ATE1: variants seen among roughly 807,000 people sequenced by gnomAD.
ATE1 encodes arginyltransferase 1, also known as arginyl-tRNA--protein transferase 1.
Under a neutral mutation model 70.5 loss-of-function variants are expected in ATE1, and 36 were observed. The ratio of observed to expected loss-of-function variants is 0.51; its 90% confidence interval spans 0.39 to 0.67. The LOEUF (loss-of-function observed/expected upper bound fraction) is 0.67, where lower values mean the gene tolerates loss of function less well. ATE1 is among the 30% of genes least tolerant of loss of function. The pLI is 0.00. For synonymous variants in ATE1, 232 were observed against 219.3 expected (o/e 1.06, Z -0.51); for missense variants, 593 against 629.5 (o/e 0.94, Z 0.62).
At chr10:121,834,582 T>C (rs554631095) in intron 10 of ATE1, among the ~76,000 whole-genome samples, 1 of 152,236 alleles carries the variant, frequency 6.6e-6, no homozygotes, top group South Asian at 2.1e-4. Context: ...AGCAGGGCTC[T>C]ACCTAGGAAG....
chr10:121,780,667 A>C (rs1225445481), intron 11 of ATE1, among the ~76,000 whole-genome samples: 1 of 152,206 alleles, frequency 6.6e-6, no homozygotes, highest in Non-Finnish European at 1.5e-5. Context: ...CCTGCTCTAA[A>C]GTCCAGCTGC....
chr10:121,866,574 G>A (rs974611984), intron 8 of ATE1, among the ~76,000 whole-genome samples: 11 of 152,070 alleles, frequency 7.2e-5, no homozygotes, highest in East Asian at 1.9e-4. Context: ...GTGGCCGGGC[G>A]CAGTGGCTCA....
intron 11 of ATE1, among the ~76,000 whole-genome samples, chr10:121,766,629 G>T (rs1945289394): frequency 6.6e-6 from 1 of 151,898 alleles, no homozygotes. Context: ...GGGATTTTTG[G>T]CTCCCTCTAG....
At chr10:121,888,648 T>C (rs1394229181) in intron 7 of ATE1, among the ~76,000 whole-genome samples, 2 of 151,816 alleles carry the variant, frequency 1.3e-5, no homozygotes, top group East Asian at 2.0e-4. Context: ...CAAATAGAAA[T>C]GTGTCCGTAT....
chr10:121,823,035 A>G (rs1947860186), intron 10 of ATE1, among the ~76,000 whole-genome samples: 1 of 152,172 alleles, frequency 6.6e-6, no homozygotes, highest in South Asian at 2.1e-4. Context: ...TCATGCTTGT[A>G]ATCCCAGCAC....
chr10:121,855,619 G>A (rs1031820473), intron 8 of ATE1, among the ~76,000 whole-genome samples: 2 of 152,168 alleles, frequency 1.3e-5, no homozygotes, highest in African/African-American at 4.8e-5. Context: ...CCTACCTCCA[G>A]AGGGTATTAA....
chr10:121,928,347 C>G (rs1415849921), upstream of ATE1: 3 of 1,529,188 alleles, frequency 2.0e-6, no homozygotes, highest in Non-Finnish European at 1.8e-6. Flanking sequence ...GAACACTCAC[C>G]GCAGGACGCT....
chr10:121,823,381 T>C (rs1417863172), intron 10 of ATE1, among the ~76,000 whole-genome samples: 1 of 150,620 alleles, frequency 6.6e-6, no homozygotes, highest in Admixed American at 6.6e-5. Flanking sequence ...ATGTAGGGAG[T>C]AGAGAAGGTG....
chr10:121,841,026 G>T, intron 9 of ATE1, 56 bp downstream of exon 9: 1 of 1,290,380 alleles, frequency 7.7e-7, no homozygotes, highest in Non-Finnish European at 1.0e-6. Flanking sequence ...AATCAAATGA[G>T]TAATTATTTG....
intron 11 of ATE1, among the ~76,000 whole-genome samples, chr10:121,758,698 T>C (rs1944910198): frequency 6.6e-6 from 1 of 152,172 alleles, no homozygotes; most frequent in Non-Finnish European, 1.5e-5. Flanking sequence ...GCATTGAGAA[T>C]AGGTGCCATT....
intron 11 of ATE1, among the ~76,000 whole-genome samples, chr10:121,764,133 G>A (rs1438704236): frequency 6.6e-6 from 1 of 151,990 alleles, no homozygotes; most frequent in Non-Finnish European, 1.5e-5. Context: ...GTTAATGATG[G>A]GGGGCTCAGG....
chr10:121,927,213 C>A (rs1025561416), intron 1 of ATE1: 1 of 985,236 alleles, frequency 1.0e-6, no homozygotes, highest in African/African-American at 1.7e-5. Context: ...GCTTTGCTGT[C>A]GTCCGGGTGG....
chr10:121,855,376 T>C (rs1013314481), intron 8 of ATE1, among the ~76,000 whole-genome samples: 3 of 152,204 alleles, frequency 2.0e-5, no homozygotes, highest in African/African-American at 2.4e-5. Context: ...CTATTCTCTG[T>C]TGGATGACAG....
chr10:121,864,692 G>T, intron 8 of ATE1, among the ~76,000 whole-genome samples: 1 of 151,954 alleles, frequency 6.6e-6, no homozygotes, highest in Non-Finnish European at 1.5e-5. Flanking sequence ...GTCTTTTGTT[G>T]GACTGAAACA....
At chr10:121,925,101 A>C (rs1446648188) in intron 1 of ATE1, among the ~76,000 whole-genome samples, 1 of 152,212 alleles carries the variant, frequency 6.6e-6, no homozygotes, top group Non-Finnish European at 1.5e-5. Flanking sequence ...AAAGTATGTA[A>C]CAATATTCCT....
intron 10 of ATE1, among the ~76,000 whole-genome samples, chr10:121,797,905 C>CTTAT (rs781167813): frequency 6.6e-6 from 1 of 152,090 alleles, no homozygotes; most frequent in Non-Finnish European, 1.5e-5. Flanking sequence ...TGTTAATTTC[C>CTTAT]TTATTTATTT....
intron 7 of ATE1, among the ~76,000 whole-genome samples, chr10:121,895,635 TG>T (rs1950752199): frequency 6.6e-6 from 1 of 151,438 alleles, no homozygotes. Flanking sequence ...ATTCCATCAA[TG>T]GATGAGTGGA....
chr10:121,904,704 A>C (rs1951124286), intron 5 of ATE1, among the ~76,000 whole-genome samples: 1 of 42,244 alleles, frequency 2.4e-5, no homozygotes, highest in South Asian at 5.4e-4. Context: ...AAAGTCAGCA[A>C]AAAAAAAAAA....
chr10:121,823,115 C>A (rs1469058791), intron 10 of ATE1, among the ~76,000 whole-genome samples: 1 of 151,926 alleles, frequency 6.6e-6, no homozygotes, highest in East Asian at 1.9e-4. Context: ...ACAGTGCAAC[C>A]CCATCTCTAC....
Sources: gnomAD v4.1 joint callset for allele counts (sites outside exome capture counted in the v4.1 genomes callset) on GRCh38, gnomAD v4.1.1 for gene constraint, MANE v1.5 for transcripts, NCBI Gene and HGNC (gene_info 2026-07-23, HGNC 2026-07-21) for gene names.